Variants in HAPSTR1 observed in about 807,000 individuals in gnomAD.
The protein encoded by HAPSTR1 is HUWE1-associated protein modifying stress responses 1.
the HAPSTR1 span, among the ~76,000 whole-genome samples, chr16:9,097,389 C>T: frequency 2.0e-5 from 3 of 151,918 alleles, no homozygotes; most frequent in Admixed American, 6.6e-5. Context: ...CCACAGGCAC[C>T]CATCACCATG....
chr16:9,114,710 T>G, the HAPSTR1 span, among the ~76,000 whole-genome samples: 1 of 152,166 alleles, frequency 6.6e-6, no homozygotes, highest in Non-Finnish European at 1.5e-5. Flanking sequence ...TAAAATACTC[T>G]AGGCTTGGAA....
chr16:9,102,935 G>C, the HAPSTR1 span: 2 of 1,572,192 alleles, frequency 1.3e-6, no homozygotes, highest in Non-Finnish European at 1.7e-6. Context: ...AAGGGAATAC[G>C]GGCTCTAATG....
chr16:9,092,985 C>G, the HAPSTR1 span: 1 of 1,611,264 alleles, frequency 6.2e-7, no homozygotes, highest in South Asian at 1.1e-5. Flanking sequence ...CCACCGCCGT[C>G]ACCAATCTCT....
chr16:9,096,171 T>G, the HAPSTR1 span, among the ~76,000 whole-genome samples: 4 of 152,206 alleles, frequency 2.6e-5, no homozygotes, highest in African/African-American at 9.6e-5. Context: ...TTAACTTAAA[T>G]AGGGATAACT....
chr16:9,103,837 G>T, the HAPSTR1 span: 157 of 152,968 alleles, frequency 1.0e-3, no homozygotes, highest in Admixed American at 4.9e-3. Flanking sequence ...TATCTCCCCA[G>T]GCCAGACCTG....
chr16:9,113,905 GGA>G, the HAPSTR1 span, among the ~76,000 whole-genome samples: 2 of 152,152 alleles, frequency 1.3e-5, no homozygotes, highest in Non-Finnish European at 2.9e-5. Context: ...TTCTGGTGTT[GGA>G]GAGGTGAATA....
chr16:9,108,985 T>G, the HAPSTR1 span: 63 of 152,276 alleles, frequency 4.1e-4, no homozygotes, highest in African/African-American at 1.5e-3. Context: ...ACTGTAAAAA[T>G]AGACCAAGGA....
At chr16:9,107,334 T>A in the HAPSTR1 span, 135,377 of 152,298 alleles carry the variant, frequency 0.89, 60,264 homozygotes, top group African/African-American at 0.93. Context: ...ATGGATTTGG[T>A]TAATTTCTAT....
chr16:9,091,668 G>A, the HAPSTR1 span: 1 of 398,218 alleles, frequency 2.5e-6, no homozygotes, highest in Non-Finnish European at 4.4e-6. Flanking sequence ...TGGGCTCCGC[G>A]GTGCAGGCCG....
At chr16:9,099,262 ATCT>A in the HAPSTR1 span, among the ~76,000 whole-genome samples, 21,536 of 151,754 alleles carry the variant, frequency 0.14, 1,861 homozygotes, top group Non-Finnish European at 0.19. Context: ...CCATGGTGCA[ATCT>A]TGGCTCATTG....
the HAPSTR1 span, chr16:9,113,262 A>G: frequency 1.3e-5 from 2 of 152,154 alleles, no homozygotes. Flanking sequence ...CAGACTTTGA[A>G]AATATTTTCA....
chr16:9,117,244 A>T, the HAPSTR1 span: 95 of 231,270 alleles, frequency 4.1e-4, no homozygotes, highest in African/African-American at 2.0e-3. Flanking sequence ...TCAGATGTTT[A>T]TTTGGTTATA....
At chr16:9,099,636 A>G in the HAPSTR1 span, among the ~76,000 whole-genome samples, 6 of 152,212 alleles carry the variant, frequency 3.9e-5, no homozygotes, top group Non-Finnish European at 8.8e-5. Flanking sequence ...ATAGTGTTGG[A>G]CGCAAGACTG....
At chr16:9,092,692 C>T in the HAPSTR1 span, among the ~76,000 whole-genome samples, 1 of 152,134 alleles carries the variant, frequency 6.6e-6, no homozygotes. Flanking sequence ...CGTCCCTGAT[C>T]TGTGCCCCTG....
the HAPSTR1 span, among the ~76,000 whole-genome samples, chr16:9,098,174 A>G: frequency 1.3e-5 from 2 of 152,148 alleles, no homozygotes; most frequent in Non-Finnish European, 2.9e-5. Context: ...CTCTACTAAA[A>G]ATAAAAGATT....
chr16:9,092,383 G>C, the HAPSTR1 span: 1 of 998,836 alleles, frequency 1.0e-6, no homozygotes, highest in Admixed American at 4.5e-5. Context: ...CGGCCTCGGG[G>C]ATCCCGGCCG....
the HAPSTR1 span, chr16:9,107,647 TGG>T: frequency 6.6e-6 from 1 of 152,242 alleles, no homozygotes; most frequent in South Asian, 2.1e-4. Flanking sequence ...TCTTAACCAT[TGG>T]TTAGGTATCC....
At chr16:9,109,382 G>A in the HAPSTR1 span, 1 of 152,160 alleles carries the variant, frequency 6.6e-6, no homozygotes, top group Non-Finnish European at 1.5e-5. Flanking sequence ...GACTTCACTC[G>A]GTATGTTTAT....
At chr16:9,094,101 T>C in the HAPSTR1 span, among the ~76,000 whole-genome samples, 1 of 152,140 alleles carries the variant, frequency 6.6e-6, no homozygotes. Context: ...CAGCATCTTG[T>C]AGGAAAAAAT....
Sources: gnomAD v4.1 joint callset for allele counts (sites outside exome capture counted in the v4.1 genomes callset) on GRCh38, gnomAD v4.1.1 for gene constraint, MANE v1.5 for transcripts, NCBI Gene and HGNC (gene_info 2026-07-23, HGNC 2026-07-21) for gene names.